Variants in CEP152 observed in about 807,000 individuals in gnomAD.
CEP152 encodes the protein centrosomal protein of 152 kDa.
CEP152 carries 132 observed loss-of-function variants against 188.9 expected under a neutral mutation model. The ratio of observed to expected loss-of-function variants is 0.70; its 90% CI spans 0.61 to 0.81. CEP152 has a LOEUF of 0.81. CEP152 is among the 30% of genes least tolerant of loss of function. The probability of loss-of-function intolerance (pLI) is 0.00; values close to 1 mark genes in which losing one functional copy is unlikely to be tolerated. For missense variants in CEP152, 1,914 were observed against 1,969.8 expected, an observed-to-expected ratio of 0.97 and a Z score of 0.54; for synonymous variants, 649 against 666.6, an observed-to-expected ratio of 0.97 and a Z score of 0.41.
Position 48,767,343 on chromosome 15 carries a change from C to A in CEP152, c.2139G>T (p.Leu713Phe). 1 of 1,614,180 alleles carries A rather than the reference C, an allele frequency of 6.2e-7. No individual in the cohort carries two copies. The highest frequency in any genetic ancestry group is 8.5e-7 in the Non-Finnish European group (1 of 1,180,006). Residue 713 changes from leucine to phenylalanine, a missense_variant, in exon 16 of 27, where the codon TTG becomes TTT. By Grantham distance (22) the Leu-to-Phe change is conservative. Coordinates refer to ENST00000380950, the MANE Select transcript of CEP152 (RefSeq NM_001194998.2). ...AAACTCTTTATTCTCACCTCAGTTG[C>A]AAATGAGTTCTCTCATAAGCCTCAA... ...QLFEAYERTH[L>F]QLRSELDKLN... is the part of the protein sequence containing the mutation.
chr15:48,733,184 A>G (rs1438587159), downstream of CEP152, among the ~76,000 whole-genome samples: 2 of 152,206 alleles, frequency 1.3e-5, no homozygotes, highest in African/African-American at 4.8e-5. Context: ...TTTGTTGTAA[A>G]GTTCAAAATT....
intron 22 of CEP152, among the ~76,000 whole-genome samples, chr15:48,745,304 A>C (rs1893320610): frequency 6.6e-6 from 1 of 152,160 alleles, no homozygotes. Context: ...TAGGTTTTCT[A>C]ATTCCATGTT....
At chr15:48,800,652 T>C (rs756104701) in intron 2 of CEP152, among the ~76,000 whole-genome samples, 2 of 152,230 alleles carry the variant, frequency 1.3e-5, no homozygotes, top group African/African-American at 2.4e-5. Flanking sequence ...ATACCACTCA[T>C]TAATTTAAAA....
At chr15:48,752,041 A>T (rs1176350118) in intron 21 of CEP152, among the ~76,000 whole-genome samples, 1 of 152,228 alleles carries the variant, frequency 6.6e-6, no homozygotes, top group African/African-American at 2.4e-5. Flanking sequence ...AGTCTGTATT[A>T]CTTGGCAATT....
Position 48,756,368 on chromosome 15 carries a change from C to T in CEP152, c.2880G>A (p.Trp960Ter). ...GGATTTCTTCTTGCTTTTCTTTGTT[C>T]CATTCACTCCGAGCCTTAGCTAACT... ...RAELAKARSE[W>*]NKEKQEEIHR... Residue 960 changes from tryptophan to a stop codon, truncating the protein, a stop_gained, in exon 20 of 27, where the codon TGG (tryptophan) becomes TGA (stop). Coordinates refer to ENST00000380950, the MANE Select transcript of CEP152 (RefSeq NM_001194998.2). LOFTEE classifies it high-confidence loss of function. The T allele has an allele frequency of 6.3e-7, 1 of 1,589,744 alleles. No homozygotes were observed. Among genetic ancestry groups the T allele is most frequent in the Non-Finnish European group, 8.5e-7 (1 of 1,170,060 alleles).
chr15:48,732,427 C>T (rs983950184), intron 2 of CEP152, among the ~76,000 whole-genome samples: 4 of 152,196 alleles, frequency 2.6e-5, no homozygotes, highest in Admixed American at 1.3e-4. Context: ...AGCAAACTAT[C>T]ACAGGAACAG....
chr15:48,754,138 T>G (rs1157120077), intron 20 of CEP152, among the ~76,000 whole-genome samples: 1 of 152,150 alleles, frequency 6.6e-6, no homozygotes, highest in African/African-American at 2.4e-5. Flanking sequence ...AATTCCAGAT[T>G]AGGCATTTCA....
In CEP152 at chr15:48,794,745, A is replaced by G. The variant is rs568825167; in HGVS notation, c.691+1265T>C. 2.2e-4 allele frequency among the ~76,000 whole-genome samples: 33 copies of G among 152,348 alleles called. No homozygotes were observed. The South Asian group carries it at 6.8e-3, about 32-fold the overall frequency. ...AAAGAGTAAACACTAAGGAGATGTC[A>G]GGCCACTGCTGTGAGGTTCATTTAC... is the stretch of plus-strand genomic sequence containing the variant. On this transcript the variant is annotated intron_variant, in intron 6 of 26. Coordinates refer to ENST00000380950, the MANE Select transcript of CEP152 (RefSeq NM_001194998.2).
intron 13 of CEP152, 140 bp from the exon 14 acceptor site, chr15:48,769,221 T>C: frequency 1.5e-6 from 1 of 654,004 alleles, no homozygotes. Context: ...CCAATATAAC[T>C]ACAGCACAAT....
At chr15:48,778,050 C>G (rs1567009537) in intron 12 of CEP152, among the ~76,000 whole-genome samples, 1 of 152,158 alleles carries the variant, frequency 6.6e-6, no homozygotes, top group Non-Finnish European at 1.5e-5. Flanking sequence ...AGGGAAAAGG[C>G]ATTCCACTTG....
At chr15:48,780,962 A>G (rs544090262) in intron 12 of CEP152, among the ~76,000 whole-genome samples, 2 of 152,352 alleles carry the variant, frequency 1.3e-5, no homozygotes, top group East Asian at 3.9e-4. Flanking sequence ...TATCTGTATT[A>G]AGCAGTAATA....
chr15:48,777,804 A>G (rs1327496983), intron 12 of CEP152, among the ~76,000 whole-genome samples: 1 of 152,068 alleles, frequency 6.6e-6, no homozygotes, highest in Non-Finnish European at 1.5e-5. Flanking sequence ...TGCATCCCCA[A>G]TTTCTTTTCT....
Position 48,772,628 on chromosome 15 carries a change from C to T in CEP152, c.1641G>A (p.Lys547=), listed in dbSNP as rs1895641089. 1.9e-6 allele frequency: 3 copies of T among 1,614,062 alleles called. No individual in the cohort carries two copies. Among genetic ancestry groups the T allele is most frequent in the Non-Finnish European group, 2.5e-6 (3 of 1,180,010 alleles). The change falls in exon 13 of 27, where the codon AAG becomes AAA. Residue 547 remains lysine (K), a synonymous_variant. Transcript: ENST00000380950. ...LSKDEFILKL[K]AEVQRLLGSN... ...TACCCAGCAAACGCTGTACTTCTGC[C>T]TTTAACTTCAGAATGAACTCATCTT...
chr15:48,801,035 C>T (rs888596982), intron 2 of CEP152, among the ~76,000 whole-genome samples: 1 of 152,090 alleles, frequency 6.6e-6, no homozygotes, highest in Non-Finnish European at 1.5e-5. Context: ...GCCTATAATC[C>T]TCAATATTCA....
chr15:48,788,720 T>C (rs1896823590), intron 9 of CEP152, 81 bp downstream of exon 9: 2 of 1,293,156 alleles, frequency 1.5e-6, no homozygotes, highest in Non-Finnish European at 2.2e-6. Flanking sequence ...GACTTCTATA[T>C]GATGAACCAT....
downstream of CEP152, among the ~76,000 whole-genome samples, chr15:48,733,645 G>A (rs1329650516): frequency 1.3e-5 from 2 of 152,058 alleles, no homozygotes; most frequent in Non-Finnish European, 2.9e-5. Flanking sequence ...GTATTAAAAG[G>A]ATAAATCTAG....
intron 14 of CEP152, among the ~76,000 whole-genome samples, 186 bp from the exon 15 acceptor site, chr15:48,768,514 T>A (rs1180116136): frequency 6.6e-6 from 1 of 152,232 alleles, no homozygotes; most frequent in Non-Finnish European, 1.5e-5. Flanking sequence ...TAGATTCATT[T>A]ATTTGACAAG....
At chr15:48,741,771 G>T in intron 25 of CEP152, 67 bp from the exon 26 acceptor site, 1 of 1,611,360 alleles carries the variant, frequency 6.2e-7, no homozygotes, top group Admixed American at 1.7e-5. Context: ...TAGCCCCATG[G>T]TTTCTGTTTT....
chr15:48,803,978 T>C (rs1237683110), intron 2 of CEP152, among the ~76,000 whole-genome samples: 1 of 152,254 alleles, frequency 6.6e-6, no homozygotes, highest in Non-Finnish European at 1.5e-5. Flanking sequence ...GCCACAATTG[T>C]TGTGAGGGGC....
Sources: gnomAD v4.1 joint callset for allele counts (sites outside exome capture counted in the v4.1 genomes callset) on GRCh38, gnomAD v4.1.1 for gene constraint, MANE v1.5 for transcripts, NCBI Gene and HGNC (gene_info 2026-07-23, HGNC 2026-07-21) for gene names.